The following DAB1 variants were observed in gnomAD, a reference collection of about 807,000 sequenced individuals.
DAB1 encodes DAB adaptor protein 1.
DAB1 carries 15 observed loss-of-function variants against 64.6 expected under a neutral mutation model. The ratio of observed to expected loss-of-function variants is 0.23; its 90% confidence interval spans 0.16 to 0.36. DAB1 has a LOEUF of 0.36. Ranked by LOEUF, DAB1 falls within the 10% of genes least tolerant of loss-of-function variation. DAB1 has a pLI of 1.00. For missense variants in DAB1, 596 were observed against 706.7 expected (o/e 0.84, Z 1.78); for synonymous variants, 235 against 251.9 (o/e 0.93, Z 0.64).
chr1:57,505,241 T>C (rs550540029), intron 7 of DAB1, among the ~76,000 whole-genome samples: 1 of 152,366 alleles, frequency 6.6e-6, no homozygotes, highest in Non-Finnish European at 1.5e-5. Flanking sequence ...ATAAAAAGTT[T>C]CTTTTTCTTT....
rs551428110 is a variant in DAB1, at chr1:58,305,392, T to C, written n.309+37960A>G. 8.3e-4 allele frequency among the ~76,000 whole-genome samples: 126 copies of C among 152,346 alleles called. 1 individual carries two copies. The highest frequency in any genetic ancestry group is 1.5e-3 in the Non-Finnish European group (101 of 68,028). On this transcript the variant is annotated intron_variant and non_coding_transcript_variant, in intron 4 of 20. Transcript: ENST00000485760. ...TTTTATAGGAGTCATTTTTATTTTG[T>C]TTATTTTTACTGGAATAAGTATGTT...
Position 58,481,902 on chromosome 1 carries a change from T to C in DAB1, n.257+24158A>G, listed in dbSNP as rs34521420. ...GAGGCCATCCTCAGCCATATGGAAC[T>C]GTAAGTCAATTAAACCTCTTTCCTT... On this transcript the variant is annotated intron_variant and non_coding_transcript_variant, in intron 3 of 20. Coordinates refer to the DAB1 transcript ENST00000485760. Among the ~76,000 whole-genome samples the C allele has an allele frequency of 4.5e-3, 680 of 152,356 alleles. 4 individuals are homozygous for C. Among genetic ancestry groups the C allele is most frequent in the Non-Finnish European group, 6.2e-3 (422 of 68,034 alleles).
intron 5 of DAB1, among the ~76,000 whole-genome samples, chr1:58,075,456 C>T (rs1649578716): frequency 6.6e-6 from 1 of 152,162 alleles, no homozygotes; most frequent in Non-Finnish European, 1.5e-5. Flanking sequence ...ACTAAAGTTA[C>T]TGTGGAGGCC....
intron 7 of DAB1, among the ~76,000 whole-genome samples, chr1:57,573,258 TA>T (rs1033101325): frequency 6.6e-6 from 1 of 151,776 alleles, no homozygotes; most frequent in African/African-American, 2.4e-5. Flanking sequence ...GGCTGGTTTT[TA>T]AAAAAAACTT....
At chr1:58,107,381 G>C (rs1025268784) in intron 5 of DAB1, among the ~76,000 whole-genome samples, 5 of 149,988 alleles carry the variant, frequency 3.3e-5, no homozygotes, top group African/African-American at 1.2e-4. Flanking sequence ...TGAAGCAGGA[G>C]AATCGCTTGA....
At chr1:57,624,035 C>T (rs371744537) in intron 7 of DAB1, among the ~76,000 whole-genome samples, 2 of 152,214 alleles carry the variant, frequency 1.3e-5, no homozygotes, top group African/African-American at 4.8e-5. Context: ...ACTAGAGAGT[C>T]TCTCTGGGGA....
chr1:58,165,406 G>A (rs778878780), intron 4 of DAB1, among the ~76,000 whole-genome samples: 13 of 152,028 alleles, frequency 8.6e-5, no homozygotes, highest in Admixed American at 3.3e-4. Flanking sequence ...AAACCTCCCC[G>A]ATTCTCTGTA....
intron 5 of DAB1, among the ~76,000 whole-genome samples, chr1:57,912,995 T>G (rs948206124): frequency 6.6e-6 from 1 of 152,174 alleles, no homozygotes; most frequent in Non-Finnish European, 1.5e-5. Context: ...GAAGAATCAA[T>G]ATCGTGAAAA....
At chr1:58,363,868 C>T (rs997010421) in intron 3 of DAB1, among the ~76,000 whole-genome samples, 4 of 152,332 alleles carry the variant, frequency 2.6e-5, no homozygotes, top group African/African-American at 9.6e-5. Context: ...GAGCCCTTAT[C>T]TCCCTTCTAG....
intron 4 of DAB1, among the ~76,000 whole-genome samples, chr1:58,301,230 GGA>G (rs201364689): frequency 4.0e-4 from 55 of 138,812 alleles, no homozygotes; most frequent in South Asian, 2.3e-3. Context: ...ATGTGGGGGT[GGA>G]GAGGGGGGGG....
chr1:58,530,047 A>AT (rs1443660278), intron 1 of DAB1, among the ~76,000 whole-genome samples: 2 of 152,068 alleles, frequency 1.3e-5, no homozygotes, highest in East Asian at 3.9e-4. Context: ...CGCCAGGCTA[A>AT]TTTTTTTGTA....
intron 2 of DAB1, among the ~76,000 whole-genome samples, chr1:57,203,932 C>T (rs895044192): frequency 2.6e-5 from 4 of 152,074 alleles, no homozygotes; most frequent in Non-Finnish European, 5.9e-5. Flanking sequence ...CTATGTTGCC[C>T]AGGCTGGAGT....
At chr1:58,323,628 A>C (rs1662747205) in intron 4 of DAB1, among the ~76,000 whole-genome samples, 1 of 152,050 alleles carries the variant, frequency 6.6e-6, no homozygotes, top group Admixed American at 6.6e-5. Flanking sequence ...CAAGCCATGC[A>C]CTCTACTAGA....
chr1:57,095,999 A>G, intron 4 of DAB1, among the ~76,000 whole-genome samples: 1 of 152,248 alleles, frequency 6.6e-6, no homozygotes, highest in Non-Finnish European at 1.5e-5. Context: ...TAGCAGTAAT[A>G]GCTGATAATG....
intron 4 of DAB1, among the ~76,000 whole-genome samples, chr1:58,178,700 A>T (rs1327127243): frequency 6.6e-6 from 1 of 152,184 alleles, no homozygotes; most frequent in African/African-American, 2.4e-5. Context: ...ACAAAGTCTG[A>T]CACATTTTCT....
chr1:57,604,347 C>T (rs1159172199), intron 7 of DAB1, among the ~76,000 whole-genome samples: 1 of 151,832 alleles, frequency 6.6e-6, no homozygotes, highest in African/African-American at 2.4e-5. Context: ...TGCTGTATCA[C>T]CTTTAAAATT....
chr1:57,016,461 A>G (rs1385479754), intron 11 of DAB1, among the ~76,000 whole-genome samples: 1 of 152,052 alleles, frequency 6.6e-6, no homozygotes, highest in African/African-American at 2.4e-5. Flanking sequence ...GCACATGCTC[A>G]GAGTTCCATA....
intron 7 of DAB1, among the ~76,000 whole-genome samples, chr1:57,559,216 G>C (rs1309740394): frequency 1.3e-5 from 2 of 152,156 alleles, no homozygotes. Flanking sequence ...GAAATTGATA[G>C]GAAGCCTACT....
intron 7 of DAB1, among the ~76,000 whole-genome samples, chr1:57,468,261 G>A (rs1050303969): frequency 6.6e-6 from 1 of 152,142 alleles, no homozygotes; most frequent in Non-Finnish European, 1.5e-5. Flanking sequence ...TAGGGGTGGG[G>A]AACATGCATG....
Sources: gnomAD v4.1 joint callset for allele counts (sites outside exome capture counted in the v4.1 genomes callset) on GRCh38, gnomAD v4.1.1 for gene constraint, MANE v1.5 for transcripts, NCBI Gene and HGNC (gene_info 2026-07-23, HGNC 2026-07-21) for gene names.